CCDC171: variants seen among roughly 807,000 people sequenced by gnomAD.
CCDC171 encodes coiled-coil domain-containing protein 171.
CCDC171 carries 177 observed loss-of-function variants against 168.2 expected under a neutral mutation model. The ratio of observed to expected loss-of-function variants is 1.05; its 90% CI spans 0.93 to 1.19. CCDC171 has a LOEUF of 1.19. CCDC171 is among the 50% of genes most tolerant of loss of function. The pLI is 0.00. For synonymous variants in CCDC171, 687 were observed against 540.8 expected, an observed-to-expected ratio of 1.27 and a Z score of -3.75; for missense variants, 1,991 against 1,539.0, an observed-to-expected ratio of 1.29 and a Z score of -4.91.
chr9:15,582,272 GA>G (rs1316965203), intron 4 of CCDC171, among the ~76,000 whole-genome samples: 2 of 152,218 alleles, frequency 1.3e-5, no homozygotes, highest in African/African-American at 4.8e-5. Flanking sequence ...AAAATGTCAG[GA>G]AACAACAGAT....
At chr9:15,837,389 A>G (rs1182279050) in intron 21 of CCDC171, among the ~76,000 whole-genome samples, 1 of 152,218 alleles carries the variant, frequency 6.6e-6, no homozygotes, top group African/African-American at 2.4e-5. Flanking sequence ...AGCTCTTTGT[A>G]ACCAAAATGG....
At chr9:16,014,954 C>T (rs1431010992) in intron 3 of CCDC171, among the ~76,000 whole-genome samples, 1 of 152,130 alleles carries the variant, frequency 6.6e-6, no homozygotes, top group Non-Finnish European at 1.5e-5. Flanking sequence ...TAGCCGCTAA[C>T]AAGAGTGTCA....
At chr9:15,779,612 A>G (rs898238145) in intron 20 of CCDC171, among the ~76,000 whole-genome samples, 1 of 152,102 alleles carries the variant, frequency 6.6e-6, no homozygotes, top group Non-Finnish European at 1.5e-5. Flanking sequence ...TGCCCACCTC[A>G]GCCTCCCAAA....
At position 15,727,959 on chromosome 9, in the gene CCDC171, T is replaced by G; in HGVS notation, c.1783T>G (p.Ser595Ala). Residue 595 changes from serine to alanine, a missense_variant, in exon 15 of 26, where the codon TCT becomes GCT. Ser to Ala is a moderately conservative substitution (Grantham distance 99). Transcript: ENST00000380701. ...KQPEGMLDKF[S>A]WSELCAVLQE... ...ACCAGAAGGCATGCTGGATAAATTC[T>G]CTTGGTCTGAGCTTTGTGCAGTCTT... 6.2e-7 allele frequency: 1 copy of G among 1,613,520 alleles called. No homozygotes were observed. Among genetic ancestry groups the G allele is most frequent in the Non-Finnish European group, 8.5e-7 (1 of 1,179,676 alleles).
intron 25 of CCDC171, among the ~76,000 whole-genome samples, chr9:15,959,570 C>A (rs940945194): frequency 6.6e-6 from 1 of 151,924 alleles, no homozygotes; most frequent in Non-Finnish European, 1.5e-5. Flanking sequence ...AGCTTTGAAA[C>A]CTGTGTCAAA....
In CCDC171 at chr9:15,681,843, G is replaced by T. The variant is rs533137229; in HGVS notation, c.1215+2947G>T. ...GACTGAAGACAGAATGACTTATGAGGAAGATTTTCCCTTTTGCTTTTGGAA... is the reference window on the plus strand; with the variant it reads ...GACTGAAGACAGAATGACTTATGAGTAAGATTTTCCCTTTTGCTTTTGGAA... On this transcript the variant is annotated intron_variant, in intron 10 of 25. Transcript: ENST00000380701. Among the ~76,000 whole-genome samples the T allele has an allele frequency of 2.4e-4, 37 of 152,116 alleles. No individual in the cohort carries two copies. In the South Asian group the frequency reaches 4.2e-3, roughly 17 times the overall value.
intron 24 of CCDC171, among the ~76,000 whole-genome samples, chr9:15,910,172 G>GCA (rs60923477): frequency 0.036 from 5,391 of 150,816 alleles, 146 homozygotes; most frequent in Non-Finnish European, 0.048. Context: ...GTATATATGT[G>GCA]CACACACACA....
chr9:15,798,759 A>G (rs1283848536), intron 21 of CCDC171, among the ~76,000 whole-genome samples: 1 of 152,160 alleles, frequency 6.6e-6, no homozygotes, highest in South Asian at 2.1e-4. Flanking sequence ...CACGAGGCTC[A>G]CAATGCCCGA....
chr9:15,913,969 A>T (rs1217778364), intron 24 of CCDC171, among the ~76,000 whole-genome samples: 2 of 152,234 alleles, frequency 1.3e-5, no homozygotes, highest in Non-Finnish European at 2.9e-5. Context: ...TATCACCAAC[A>T]GAGGCTGCAG....
intron 3 of CCDC171, among the ~76,000 whole-genome samples, chr9:15,984,777 A>T (rs1009741766): frequency 2.0e-5 from 3 of 152,130 alleles, no homozygotes; most frequent in Non-Finnish European, 4.4e-5. Flanking sequence ...CCAGTCACAG[A>T]TTTTCATGGA....
chr9:15,656,569 A>T (rs1208404995), intron 7 of CCDC171, among the ~76,000 whole-genome samples: 1 of 152,238 alleles, frequency 6.6e-6, no homozygotes, highest in Non-Finnish European at 1.5e-5. Flanking sequence ...TGAATGAACT[A>T]TTGATGCATG....
intron 23 of CCDC171, among the ~76,000 whole-genome samples, chr9:15,863,448 C>G (rs1346062066): frequency 6.6e-6 from 1 of 151,968 alleles, no homozygotes; most frequent in Non-Finnish European, 1.5e-5. Flanking sequence ...TGCTATCATT[C>G]TCCTTCGTTT....
downstream of CCDC171, among the ~76,000 whole-genome samples, chr9:15,975,177 A>G (rs948358716): frequency 3.3e-5 from 5 of 152,198 alleles, no homozygotes; most frequent in African/African-American, 9.7e-5. Flanking sequence ...TGATCTCACA[A>G]CAAACCTCTA....
chr9:15,654,723 C>T (rs961932624), intron 7 of CCDC171, among the ~76,000 whole-genome samples: 2 of 152,068 alleles, frequency 1.3e-5, no homozygotes, highest in Non-Finnish European at 2.9e-5. Flanking sequence ...CCAGCGTGAG[C>T]GACGCAGAAG....
At chr9:15,553,728 C>T (rs1049455486) in intron 1 of CCDC171, 1 of 152,176 alleles carries the variant, frequency 6.6e-6, no homozygotes, top group South Asian at 2.1e-4. Context: ...TAGACTGTCA[C>T]CTGCAGCTTC....
At chr9:16,023,100 C>CT (rs554339412) in intron 6 of CCDC171, among the ~76,000 whole-genome samples, 158 of 147,276 alleles carry the variant, frequency 1.1e-3, no homozygotes, top group Non-Finnish European at 1.4e-3. Context: ...TCATTGTATT[C>CT]TTTTTTTTTT....
Position 15,623,475 on chromosome 9 carries a change from G to GCGCGCGCGCGCGCGCA in CCDC171, c.822+63_822+64insGCGCGCGCGCGCGCAC. Reference sequence around the variant, plus strand: ...CAAACTTTCACATATGCGCGCGCGCGCACACACACACACACACACACACAC... The same window carrying GCGCGCGCGCGCGCGCA: ...CAAACTTTCACATATGCGCGCGCGCGCGCGCGCGCGCGCGCACACACACACACACACACACACACAC... On this transcript the variant is annotated intron_variant, in intron 7 of 25. Coordinates refer to ENST00000380701, the MANE Select transcript of CCDC171 (RefSeq NM_173550.4). The GCGCGCGCGCGCGCGCA allele has an allele frequency of 4.9e-3, 1,553 of 315,340 alleles. 14 individuals carry two copies. Among genetic ancestry groups the GCGCGCGCGCGCGCGCA allele is most frequent in the Admixed American group, 7.4e-3 (147 of 19,758 alleles). The allele number at this position is 315,340 out of a possible 1,614,324, so 19.5% of individuals were successfully genotyped here. A position where few individuals can be genotyped will look rare whatever the true frequency, so the allele number is the denominator to read the frequency against.
chr9:15,825,817 A>C (rs907905142), intron 21 of CCDC171, among the ~76,000 whole-genome samples: 30 of 152,170 alleles, frequency 2.0e-4, no homozygotes, highest in African/African-American at 6.8e-4. Context: ...AGTGAGTATA[A>C]TTTACTAGTT....
chr9:16,023,171 T>C (rs1461429175), intron 6 of CCDC171, among the ~76,000 whole-genome samples: 1 of 152,078 alleles, frequency 6.6e-6, no homozygotes, highest in Non-Finnish European at 1.5e-5. Flanking sequence ...GGGTTCATTG[T>C]ATTCTGTTTT....
Sources: gnomAD v4.1 joint callset for allele counts (sites outside exome capture counted in the v4.1 genomes callset) on GRCh38, gnomAD v4.1.1 for gene constraint, MANE v1.5 for transcripts, NCBI Gene and HGNC (gene_info 2026-07-23, HGNC 2026-07-21) for gene names.